EBF1: variants seen among roughly 807,000 people sequenced by gnomAD.
The protein encoded by EBF1 is EBF transcription factor 1, also known as transcription factor COE1.
Under a neutral mutation model 68.4 loss-of-function variants are expected in EBF1, and 10 were observed. That is an observed-to-expected ratio of 0.15 (90% CI 0.09 to 0.25). The LOEUF (loss-of-function observed/expected upper bound fraction) is 0.25. EBF1 is among the 10% of genes least tolerant of loss of function. The pLI is 1.00. For missense variants in EBF1, 509 were observed against 794.4 expected, an observed-to-expected ratio of 0.64 and a Z score of 4.32; for synonymous variants, 298 against 299.8, an observed-to-expected ratio of 0.99 and a Z score of 0.06.
rs1306966109 is a variant in EBF1 at position 158,713,006 on chromosome 5, C to A, written c.1333G>T (p.Val445Leu). 2.0e-6 allele frequency: 3 copies of A among 1,531,308 alleles called. No homozygotes were observed. The highest frequency in any genetic ancestry group is 1.9e-5 in the Admixed American group (1 of 52,102). The allele number at this position is 1,531,308 out of a possible 1,614,324, so 94.9% of individuals were successfully genotyped here. The change falls in exon 13 of 16, where the codon GTG (valine) becomes TTG (leucine). Residue 445 changes from valine to leucine, a missense_variant. Val to Leu is a conservative substitution (Grantham distance 32, BLOSUM62 1). This residue lies in a region of EBF1 where 205 missense variants were observed against 247.4 expected (regional missense o/e 0.83). Coordinates refer to ENST00000313708, the MANE Select transcript of EBF1 (RefSeq NM_024007.5). ...GCTTGTGATGCCTCGGAGACATTCACGGCCAGTTGTCCACTGAACGAATTC... is the reference window on the plus strand; with the variant it reads ...GCTTGTGATGCCTCGGAGACATTCAAGGCCAGTTGTCCACTGAACGAATTC... ...GVNSFSGQLA[V>L]NVSEASQATN...
chr5:158,838,074 A>G (rs1240854288), intron 7 of EBF1, among the ~76,000 whole-genome samples: 6 of 152,208 alleles, frequency 3.9e-5, no homozygotes, highest in East Asian at 1.9e-4. Flanking sequence ...ACATAACACA[A>G]AAAATCCTCT....
At chr5:158,777,980 G>A (rs776099787) in intron 9 of EBF1, among the ~76,000 whole-genome samples, 12 of 152,144 alleles carry the variant, frequency 7.9e-5, no homozygotes, top group East Asian at 3.9e-4. Flanking sequence ...GATTAGCTGC[G>A]GAGTGCACGT....
At chr5:158,992,740 A>T (rs1384456265) in intron 6 of EBF1, among the ~76,000 whole-genome samples, 1 of 151,940 alleles carries the variant, frequency 6.6e-6, no homozygotes, top group Admixed American at 6.6e-5. Context: ...GTTCCTTTGC[A>T]TGTAACTAAA....
rs1242033579 is a variant in EBF1, at chr5:158,697,267, C to G, written c.*1844G>C. 1.2e-5 allele frequency: 2 copies of G among 173,128 alleles called. No individual in the cohort carries two copies. The highest frequency in any genetic ancestry group is 2.2e-5 in the Non-Finnish European group (2 of 89,444). 10.7% of individuals were successfully genotyped at this position (173,128 alleles called of 1,614,324 possible). ...AACTAAATACTACAAGAATAATATG[C>G]TACTATTTTTTTTTTTTTGCCATAT... is the stretch of plus-strand genomic sequence containing the variant. On this transcript the variant is annotated 3_prime_UTR_variant, in exon 16 of 16. Transcript: ENST00000313708.
rs569168229 is a variant in EBF1 at position 159,043,829 on chromosome 5, G to A, written c.554+29567C>T. Among the ~76,000 whole-genome samples, 314 of 152,076 alleles carry A rather than the reference G, an allele frequency of 2.1e-3. 1 individual carries two copies. The highest frequency in any genetic ancestry group is 0.018 in the South Asian group (86 of 4,810). ...AGTATCCATTCTCTGCTTCTGCTTC[G>A]GCTCACCAAGACACTACTCCAGAAA... On this transcript the variant is annotated intron_variant, in intron 6 of 15. Transcript: ENST00000313708.
At chr5:159,008,835 C>A (rs1434268824) in intron 6 of EBF1, among the ~76,000 whole-genome samples, 4 of 152,084 alleles carry the variant, frequency 2.6e-5, no homozygotes, top group Admixed American at 2.0e-4. Flanking sequence ...CCGCGCCCAG[C>A]CTAAACATTT....
chr5:158,880,291 T>C (rs1323820968), intron 6 of EBF1, among the ~76,000 whole-genome samples: 1 of 152,096 alleles, frequency 6.6e-6, no homozygotes, highest in African/African-American at 2.4e-5. Context: ...GGTTATAAAC[T>C]TGATAACCTG....
chr5:159,082,274 T>C (rs1381854851), intron 5 of EBF1, among the ~76,000 whole-genome samples: 3 of 152,210 alleles, frequency 2.0e-5, no homozygotes, highest in Non-Finnish European at 4.4e-5. Flanking sequence ...CAAAGTTTTA[T>C]TGTGCCGTTA....
intron 11 of EBF1, among the ~76,000 whole-genome samples, chr5:158,725,050 T>G (rs1762718430): frequency 1.3e-5 from 2 of 152,198 alleles, no homozygotes; most frequent in South Asian, 4.1e-4. Flanking sequence ...ATTAGCCTGG[T>G]GTTTGAAATG....
intron 6 of EBF1, among the ~76,000 whole-genome samples, chr5:158,966,648 C>T (rs1192167673): frequency 6.6e-6 from 1 of 152,132 alleles, no homozygotes; most frequent in East Asian, 1.9e-4. Context: ...TTTTCCTGTA[C>T]CTCCTAGGGC....
chr5:159,037,659 G>A (rs1293562218), intron 6 of EBF1, among the ~76,000 whole-genome samples: 1 of 121,844 alleles, frequency 8.2e-6, no homozygotes, highest in Non-Finnish European at 1.7e-5. Flanking sequence ...ACTGTGGTGG[G>A]GTGGGGGGAG....
chr5:158,756,875 G>A (rs565513561), intron 10 of EBF1, among the ~76,000 whole-genome samples: 24 of 151,448 alleles, frequency 1.6e-4, no homozygotes, highest in East Asian at 3.9e-4. Flanking sequence ...ATGTGGACAC[G>A]TGGGCACTAA....
At chr5:158,708,630 T>C (rs971824731) in intron 14 of EBF1, among the ~76,000 whole-genome samples, 4 of 152,120 alleles carry the variant, frequency 2.6e-5, no homozygotes, top group African/African-American at 9.7e-5. Context: ...AAGGTGAACA[T>C]AGCCATCTCA....
intron 6 of EBF1, among the ~76,000 whole-genome samples, chr5:159,002,546 A>G (rs1762746683): frequency 6.6e-6 from 1 of 152,216 alleles, no homozygotes; most frequent in Non-Finnish European, 1.5e-5. Flanking sequence ...AGAGTGAATT[A>G]TTTCCTATTT....
intron 6 of EBF1, among the ~76,000 whole-genome samples, chr5:158,857,813 G>A (rs573350449): frequency 3.9e-5 from 6 of 152,314 alleles, no homozygotes; most frequent in African/African-American, 1.4e-4. Context: ...ATTGTGACAA[G>A]CCTCTCTAGA....
chr5:158,902,595 T>TTTA (rs60535761), intron 6 of EBF1, among the ~76,000 whole-genome samples: 7,790 of 147,132 alleles, frequency 0.053, 678 homozygotes, highest in African/African-American at 0.18. Context: ...CCTGAATAAT[T>TTTA]TTATTATTAT....
Position 159,016,117 on chromosome 5 carries a change from C to A in EBF1, c.554+57279G>T, listed in dbSNP as rs527403289. 1.1e-4 allele frequency among the ~76,000 whole-genome samples: 17 copies of A among 152,314 alleles called. No homozygotes were observed. The South Asian group carries it at 1.5e-3, about 13-fold the overall frequency. On this transcript the variant is annotated intron_variant, in intron 6 of 15. Coordinates refer to ENST00000313708, the MANE Select transcript of EBF1 (RefSeq NM_024007.5). ...CTCTCTTAAGATTAAGCACATAAAA[C>A]CTCAGTAGAGGTTACTAGATGTGTT...
Position 158,697,947 on chromosome 5 carries a change from CT to C in EBF1, c.*1163del. 4.8e-6 allele frequency: 1 copy of C among 210,354 alleles called. No homozygotes were observed. The allele number at this position is 210,354 out of a possible 1,614,324, so 13.0% of individuals were successfully genotyped here. A position where few individuals can be genotyped will look rare whatever the true frequency, so the allele number is the denominator to read the frequency against. On this transcript the variant is annotated 3_prime_UTR_variant, in exon 16 of 16. Transcript: ENST00000313708. ...ACTATGTTTTGGAGGTCTCAACCTT[CT>C]TTTCCTTTCTCCACCCCCGGTTCCC...
At chr5:159,060,839 C>G (rs1327309646) in intron 6 of EBF1, among the ~76,000 whole-genome samples, 2 of 151,884 alleles carry the variant, frequency 1.3e-5, no homozygotes, top group Non-Finnish European at 2.9e-5. Context: ...TGGCTATCTA[C>G]CTTTCATCTA....
Sources: allele counts gnomAD v4.1 joint callset (sites outside exome capture counted in the v4.1 genomes callset), GRCh38; gene constraint gnomAD v4.1.1; regional missense constraint gnomAD v4.1.1; transcripts MANE v1.5; gene names NCBI Gene and HGNC (gene_info 2026-07-23, HGNC 2026-07-21).